CNTNAP2: variants seen among roughly 807,000 people sequenced by gnomAD.
The protein encoded by CNTNAP2 is contactin-associated protein-like 2.
A neutral mutation model predicts 155.2 loss-of-function variants in CNTNAP2; 98 were observed. That is an observed-to-expected ratio of 0.63 (90% CI 0.54 to 0.75). CNTNAP2 has a LOEUF of 0.75. CNTNAP2 is among the 30% of genes least tolerant of loss of function. The pLI, the probability that CNTNAP2 is intolerant of heterozygous loss-of-function variation, is 0.00. For synonymous variants in CNTNAP2, 651 were observed against 631.2 expected (o/e 1.03, Z -0.47); for missense variants, 1,727 against 1,688.1 (o/e 1.02, Z -0.40).
intron 16 of CNTNAP2, among the ~76,000 whole-genome samples, chr7:148,146,283 T>A (rs1805175437): frequency 6.6e-6 from 1 of 152,244 alleles, no homozygotes; most frequent in Non-Finnish European, 1.5e-5. Context: ...GCCACATCTT[T>A]AATGTTGAGA....
rs555453113 is a variant in CNTNAP2 at position 146,180,351 on chromosome 7, A to G, written c.97+63378A>G. ...TTTCCTTTTCTTTCTTCCTTTCTTT[A>G]TCCTTCATTTTTCTTTCTTTTCCTT... On this transcript the variant is annotated intron_variant, in intron 1 of 23. Transcript: ENST00000361727. Among the ~76,000 whole-genome samples, 16 of 108,860 alleles carry G rather than the reference A, an allele frequency of 1.5e-4. No homozygotes were observed. The South Asian group carries it at 2.4e-3, about 16-fold the overall frequency. The allele number at this position is 108,860 out of a possible 152,430, so 71.4% of individuals were successfully genotyped here.
At chr7:147,938,733 A>C (rs1228913141) in intron 14 of CNTNAP2, among the ~76,000 whole-genome samples, 1 of 152,190 alleles carries the variant, frequency 6.6e-6, no homozygotes, top group Non-Finnish European at 1.5e-5. Flanking sequence ...AGTAGGTCTC[A>C]TGTGAATCTG....
intron 13 of CNTNAP2, among the ~76,000 whole-genome samples, chr7:147,693,256 A>G (rs139154397): frequency 9.2e-5 from 14 of 152,202 alleles, no homozygotes; most frequent in African/African-American, 2.9e-4. Flanking sequence ...TTAGTTTTAT[A>G]GTAAGTTTAA....
intron 1 of CNTNAP2, among the ~76,000 whole-genome samples, chr7:146,130,479 T>A (rs1218989518): frequency 1.3e-5 from 2 of 152,174 alleles, no homozygotes; most frequent in Non-Finnish European, 2.9e-5. Context: ...CTCTTAATAA[T>A]TTTTTTAAAA....
At chr7:147,294,257 AT>A (rs1805374880) in intron 8 of CNTNAP2, among the ~76,000 whole-genome samples, 1 of 152,212 alleles carries the variant, frequency 6.6e-6, no homozygotes, top group African/African-American at 2.4e-5. Flanking sequence ...TGTCAATAAT[AT>A]TTATGTGTTT....
chr7:147,732,664 G>T (rs1279780043), intron 13 of CNTNAP2, among the ~76,000 whole-genome samples: 5 of 152,112 alleles, frequency 3.3e-5, no homozygotes, highest in African/African-American at 1.2e-4. Context: ...CAGTGTAAAA[G>T]TGTTCCTATT....
chr7:147,526,350 G>A (rs987483856), intron 11 of CNTNAP2, among the ~76,000 whole-genome samples: 3 of 152,150 alleles, frequency 2.0e-5, no homozygotes, highest in African/African-American at 7.2e-5. Flanking sequence ...GGAGGTAGAA[G>A]AAAATTAAGC....
At chr7:146,727,106 T>G (rs1801442931) in intron 1 of CNTNAP2, among the ~76,000 whole-genome samples, 1 of 152,204 alleles carries the variant, frequency 6.6e-6, no homozygotes. Context: ...GAGCATTTAC[T>G]ATAGGAAACA....
chr7:147,983,805 T>C (rs1801573323), intron 15 of CNTNAP2, among the ~76,000 whole-genome samples: 1 of 152,134 alleles, frequency 6.6e-6, no homozygotes, highest in Admixed American at 6.5e-5. Flanking sequence ...TCAAGGTACT[T>C]ATTATGTAGA....
intron 8 of CNTNAP2, among the ~76,000 whole-genome samples, chr7:147,297,800 G>A (rs1794862697): frequency 6.6e-6 from 1 of 152,148 alleles, no homozygotes; most frequent in Admixed American, 6.5e-5. Flanking sequence ...GGGGGGTAAT[G>A]AAATACTCTG....
intron 13 of CNTNAP2, among the ~76,000 whole-genome samples, chr7:147,858,379 G>T (rs1238537918): frequency 6.6e-6 from 1 of 152,188 alleles, no homozygotes; most frequent in Non-Finnish European, 1.5e-5. Context: ...AAGCCACTGC[G>T]CCCGGCCTAA....
chr7:146,767,318 T>C (rs1396208140), intron 1 of CNTNAP2, among the ~76,000 whole-genome samples: 2 of 152,188 alleles, frequency 1.3e-5, no homozygotes, highest in African/African-American at 4.8e-5. Context: ...AAAATGAGGC[T>C]ATATTTGTAT....
chr7:147,217,213 A>G (rs981314963), intron 8 of CNTNAP2, among the ~76,000 whole-genome samples: 1 of 151,958 alleles, frequency 6.6e-6, no homozygotes. Context: ...AAGAGGAGAC[A>G]TCCTTGCCTG....
At chr7:147,564,675 C>G (rs1244151503) in intron 12 of CNTNAP2, among the ~76,000 whole-genome samples, 1 of 152,164 alleles carries the variant, frequency 6.6e-6, no homozygotes, top group East Asian at 1.9e-4. Flanking sequence ...ACACACAGGA[C>G]TAGTCTACTC....
At chr7:148,414,512 G>C (rs914050508) in intron 23 of CNTNAP2, among the ~76,000 whole-genome samples, 1 of 38,366 alleles carries the variant, frequency 2.6e-5, no homozygotes, top group African/African-American at 1.4e-4. Flanking sequence ...CTCATTCCAT[G>C]CTCTGTCCTT....
At chr7:146,632,923 A>G (rs1344096828) in intron 1 of CNTNAP2, among the ~76,000 whole-genome samples, 1 of 144,436 alleles carries the variant, frequency 6.9e-6, no homozygotes, top group African/African-American at 2.5e-5. Context: ...AAGACTATAC[A>G]CAAAAGAAAA....
chr7:147,116,386 C>T (rs545802988), intron 5 of CNTNAP2, among the ~76,000 whole-genome samples: 129 of 152,302 alleles, frequency 8.5e-4, no homozygotes, highest in African/African-American at 2.8e-3. Flanking sequence ...AGCCCCTAAT[C>T]GGTTTGGGCT....
At chr7:146,998,748 T>A (rs944866453) in intron 3 of CNTNAP2, among the ~76,000 whole-genome samples, 21 of 152,004 alleles carry the variant, frequency 1.4e-4, no homozygotes, top group Non-Finnish European at 7.4e-5. Context: ...TATATCATCT[T>A]ATCGAATTGA....
rs1800573293 is a variant in CNTNAP2, at chr7:146,685,107, A to G, written c.98-89164A>G. 3.9e-5 allele frequency among the ~76,000 whole-genome samples: 6 copies of G among 152,284 alleles called. No homozygotes were observed. In the South Asian group the frequency reaches 1.2e-3, roughly 32 times the overall value. Reference sequence around the variant, plus strand: ...CATTATTTTCAACATTGTTCTAAAGATGAAGAAATTAAGGTATAGGGATTA... The same window carrying G: ...CATTATTTTCAACATTGTTCTAAAGGTGAAGAAATTAAGGTATAGGGATTA... On this transcript the variant is annotated intron_variant, in intron 1 of 23. Coordinates refer to ENST00000361727, the MANE Select transcript of CNTNAP2 (RefSeq NM_014141.6).
Sources: allele counts gnomAD v4.1 joint callset (sites outside exome capture counted in the v4.1 genomes callset), GRCh38; gene constraint gnomAD v4.1.1; transcripts MANE v1.5; gene names NCBI Gene and HGNC (gene_info 2026-07-23, HGNC 2026-07-21).